The following GPR158 variants were observed in gnomAD, a reference collection of about 807,000 sequenced individuals.
The protein encoded by GPR158 is G protein-coupled receptor 158.
Under a neutral mutation model 78.2 loss-of-function variants are expected in GPR158, and 30 were observed. The observed-to-expected ratio is 0.38, with a 90% CI of 0.29 to 0.52. The LOEUF is 0.52. GPR158 is among the 20% of genes least tolerant of loss of function. The pLI, the probability that GPR158 is intolerant of heterozygous loss-of-function variation, is 0.83. For synonymous variants in GPR158, 581 were observed against 591.1 expected, an observed-to-expected ratio of 0.98 and a Z score of 0.25; for missense variants, 1,463 against 1,523.5, an observed-to-expected ratio of 0.96 and a Z score of 0.66.
At position 25,372,120 on chromosome 10, in the gene GPR158, C is replaced by G. The variant is rs1834003572; in HGVS notation, c.1009-23791C>G. 2.0e-5 allele frequency among the ~76,000 whole-genome samples: 3 copies of G among 151,408 alleles called. No individual in the cohort carries two copies. In the South Asian group the frequency reaches 6.3e-4, roughly 32 times the overall value. On this transcript the variant is annotated intron_variant, in intron 2 of 10. Transcript: ENST00000376351. Reference sequence around the variant, plus strand: ...CACATGAAAAAAATGCTCATCATCACTGGCCATCAGAGAAATGCAAATCAA... The same window carrying G: ...CACATGAAAAAAATGCTCATCATCAGTGGCCATCAGAGAAATGCAAATCAA...
chr10:25,251,242 A>G (rs1853793596), intron 2 of GPR158, among the ~76,000 whole-genome samples: 1 of 152,136 alleles, frequency 6.6e-6, no homozygotes, highest in Admixed American at 6.5e-5. Context: ...AATACAGCAC[A>G]CTGATGGGTC....
At chr10:25,364,656 G>T (rs1437341758) in intron 2 of GPR158, among the ~76,000 whole-genome samples, 1 of 151,700 alleles carries the variant, frequency 6.6e-6, no homozygotes, top group African/African-American at 2.4e-5. Context: ...TACCTTTCCT[G>T]TCTGAATTTT....
intron 5 of GPR158, chr10:25,475,368 A>G (rs1835568345): frequency 6.6e-6 from 1 of 152,180 alleles, no homozygotes. Context: ...TTTATCTTTC[A>G]GAACGTAAAT....
chr10:25,350,097 T>A (rs1760718), intron 2 of GPR158, among the ~76,000 whole-genome samples: 104,511 of 151,410 alleles, frequency 0.69, 37,008 homozygotes, highest in Non-Finnish European at 0.77. Flanking sequence ...ACCTTTAGCT[T>A]GTGAAGTGCA....
At chr10:25,199,260 C>A (rs1002409520) in intron 1 of GPR158, among the ~76,000 whole-genome samples, 1 of 151,710 alleles carries the variant, frequency 6.6e-6, no homozygotes, top group Non-Finnish European at 1.5e-5. Context: ...TATTTTGTTA[C>A]CCAAGTAATA....
chr10:25,388,987 C>G (rs777416772), intron 2 of GPR158, among the ~76,000 whole-genome samples: 3 of 152,210 alleles, frequency 2.0e-5, no homozygotes, highest in Non-Finnish European at 4.4e-5. Context: ...TTGGCCCCCT[C>G]TAGACTTTGG....
At chr10:25,474,358 G>A (rs960291563) in intron 5 of GPR158, among the ~76,000 whole-genome samples, 5 of 152,098 alleles carry the variant, frequency 3.3e-5, no homozygotes, top group African/African-American at 1.2e-4. Flanking sequence ...TACCCCTTGT[G>A]ATAGGACCTC....
At chr10:25,178,847 A>C (rs1402189219) in intron 1 of GPR158, among the ~76,000 whole-genome samples, 1 of 152,240 alleles carries the variant, frequency 6.6e-6, no homozygotes, top group South Asian at 2.1e-4. Flanking sequence ...TGGCTTGTCC[A>C]AAAATCATGT....
At chr10:25,408,130 C>T (rs1834539004) in intron 3 of GPR158, among the ~76,000 whole-genome samples, 2 of 152,114 alleles carry the variant, frequency 1.3e-5, no homozygotes, top group South Asian at 4.1e-4. Flanking sequence ...TAAATGTTGC[C>T]AATGTCTTCC....
intron 2 of GPR158, among the ~76,000 whole-genome samples, chr10:25,234,283 C>A (rs1459815151): frequency 6.6e-6 from 1 of 152,180 alleles, no homozygotes; most frequent in Non-Finnish European, 1.5e-5. Flanking sequence ...CTGATCATTT[C>A]AGCCTTAGAC....
At chr10:25,284,954 C>T (rs1854327618) in intron 2 of GPR158, among the ~76,000 whole-genome samples, 1 of 151,986 alleles carries the variant, frequency 6.6e-6, no homozygotes, top group Non-Finnish European at 1.5e-5. Context: ...ATACTATACA[C>T]ACAATACATT....
intron 4 of GPR158, among the ~76,000 whole-genome samples, chr10:25,449,320 G>A (rs1237202117): frequency 2.0e-5 from 3 of 152,084 alleles, no homozygotes; most frequent in Non-Finnish European, 4.4e-5. Flanking sequence ...CCAGAATAAT[G>A]TAAAATTGCA....
chr10:25,500,436 G>A (rs190387763), intron 5 of GPR158, among the ~76,000 whole-genome samples: 225 of 152,280 alleles, frequency 1.5e-3, no homozygotes, highest in African/African-American at 4.5e-3. Context: ...GGATTACTAC[G>A]TGCCTTTTGG....
chr10:25,300,854 A>G (rs1854581808), intron 2 of GPR158, among the ~76,000 whole-genome samples: 1 of 152,048 alleles, frequency 6.6e-6, no homozygotes, highest in African/African-American at 2.4e-5. Flanking sequence ...AGAGGGAGAG[A>G]GAAACCTTAT....
At chr10:25,318,270 G>A (rs1854890325) in intron 2 of GPR158, among the ~76,000 whole-genome samples, 2 of 151,642 alleles carry the variant, frequency 1.3e-5, no homozygotes, top group African/African-American at 2.4e-5. Flanking sequence ...CCCCTTTACT[G>A]TGCAATTTCC....
chr10:25,512,022 T>C (rs1836093296), intron 5 of GPR158, among the ~76,000 whole-genome samples: 1 of 152,158 alleles, frequency 6.6e-6, no homozygotes, highest in Non-Finnish European at 1.5e-5. Flanking sequence ...GCGGGCTCTT[T>C]TTTTGGTTCC....
At chr10:25,316,491 C>A (rs991203981) in intron 2 of GPR158, among the ~76,000 whole-genome samples, 6 of 152,204 alleles carry the variant, frequency 3.9e-5, no homozygotes, top group African/African-American at 1.4e-4. Context: ...AGGTCACCTA[C>A]TATTGCATTG....
chr10:25,316,893 GTGTGTGTGTGTGTGTGTTTA>G (rs1854860077), intron 2 of GPR158, among the ~76,000 whole-genome samples: 1 of 106,886 alleles, frequency 9.4e-6, no homozygotes, highest in African/African-American at 5.8e-5. Flanking sequence ...GTATTTGTGT[GTGTGTGTGTGTGTGTGTTTA>G]TGTGTGTGTG....
intron 5 of GPR158, among the ~76,000 whole-genome samples, chr10:25,525,136 T>C (rs1210670325): frequency 1.3e-5 from 2 of 152,124 alleles, no homozygotes; most frequent in South Asian, 2.1e-4. Flanking sequence ...CAATGAGTGT[T>C]GGCGAGGAGG....
Sources: allele counts gnomAD v4.1 joint callset (sites outside exome capture counted in the v4.1 genomes callset), GRCh38; gene constraint gnomAD v4.1.1; transcripts MANE v1.5; gene names NCBI Gene and HGNC (gene_info 2026-07-23, HGNC 2026-07-21).